EXT1: variants seen among roughly 807,000 people sequenced by gnomAD.
EXT1 encodes the protein exostosin glycosyltransferase 1, also known as exostosin-1.
A neutral mutation model predicts 82.5 loss-of-function variants in EXT1; 20 were observed. The observed-to-expected ratio is 0.24, with a 90% CI of 0.17 to 0.35. The LOEUF is 0.35. EXT1 is among the 10% of genes least tolerant of loss of function. The pLI, the probability that EXT1 is intolerant of heterozygous loss-of-function variation, is 1.00. For synonymous variants in EXT1, 348 were observed against 350.8 expected, an observed-to-expected ratio of 0.99 and a Z score of 0.09; for missense variants, 757 against 936.5, an observed-to-expected ratio of 0.81 and a Z score of 2.50.
chr8:118,035,583 T>C (rs1311290880), intron 1 of EXT1, among the ~76,000 whole-genome samples: 1 of 151,940 alleles, frequency 6.6e-6, no homozygotes, highest in Non-Finnish European at 1.5e-5. Context: ...ATGTAAGTTC[T>C]ATAACTCAAT....
chr8:118,083,391 AAT>A (rs1384991245), intron 1 of EXT1, among the ~76,000 whole-genome samples: 1 of 152,194 alleles, frequency 6.6e-6, no homozygotes, highest in African/African-American at 2.4e-5. Context: ...ATCTGTTATG[AAT>A]ATATCTTCTT....
At chr8:117,805,640 A>G (rs1000454748) in intron 9 of EXT1, among the ~76,000 whole-genome samples, 1 of 152,236 alleles carries the variant, frequency 6.6e-6, no homozygotes, top group Non-Finnish European at 1.5e-5. Context: ...CTTGAGACCA[A>G]GAATCAGTCA....
chr8:118,044,595 C>A (rs774220517), intron 1 of EXT1, among the ~76,000 whole-genome samples: 1 of 152,014 alleles, frequency 6.6e-6, no homozygotes, highest in South Asian at 2.1e-4. Flanking sequence ...TTAGTAGAGA[C>A]GAGGTTTCTC....
At position 117,892,301 on chromosome 8, in the gene EXT1, G is replaced by A. The variant is rs1301941895; in HGVS notation, c.963-55100C>T. ...GCAAAGGCTCCAATGCATTCACCTA[G>A]GACAATGCCCAAAGTCAATGATCTC... On this transcript the variant is annotated intron_variant, in intron 1 of 10. Coordinates refer to ENST00000378204, the MANE Select transcript of EXT1 (RefSeq NM_000127.3). 4.6e-5 allele frequency among the ~76,000 whole-genome samples: 7 copies of A among 152,332 alleles called. No individual in the cohort carries two copies. In the East Asian group the frequency reaches 1.2e-3, roughly 25 times the overall value.
chr8:117,854,762 C>T (rs898316955), intron 1 of EXT1, among the ~76,000 whole-genome samples: 1 of 152,192 alleles, frequency 6.6e-6, no homozygotes, highest in Admixed American at 6.5e-5. Context: ...CATTTCACAG[C>T]TGCACACCAA....
intron 1 of EXT1, among the ~76,000 whole-genome samples, chr8:118,096,118 A>C (rs1817606426): frequency 6.6e-6 from 1 of 152,198 alleles, no homozygotes. Context: ...TGTGAGCCAA[A>C]AGTTTTATTC....
chr8:117,943,124 CCTAA>C (rs1814320364), intron 1 of EXT1, among the ~76,000 whole-genome samples: 1 of 152,186 alleles, frequency 6.6e-6, no homozygotes, highest in Admixed American at 6.5e-5. Flanking sequence ...AGCCAGAAAA[CCTAA>C]CTACTTTCTT....
At chr8:118,037,987 T>C (rs961597547) in intron 1 of EXT1, among the ~76,000 whole-genome samples, 1 of 152,022 alleles carries the variant, frequency 6.6e-6, no homozygotes, top group African/African-American at 2.4e-5. Flanking sequence ...ATTACAGGCA[T>C]GCGCCACCAT....
At chr8:117,802,966 A>G (rs965219647) in intron 10 of EXT1, among the ~76,000 whole-genome samples, 2 of 152,202 alleles carry the variant, frequency 1.3e-5, no homozygotes, top group African/African-American at 4.8e-5. Flanking sequence ...AGTGAATGAA[A>G]AACTATCAGC....
intron 1 of EXT1, among the ~76,000 whole-genome samples, chr8:117,864,719 A>C (rs1380200689): frequency 6.7e-6 from 1 of 149,402 alleles, no homozygotes; most frequent in Non-Finnish European, 1.5e-5. Flanking sequence ...ACTGCACTCC[A>C]GCCTGGGCGA....
chr8:117,888,451 T>C (rs1317402270), intron 1 of EXT1, among the ~76,000 whole-genome samples: 1 of 152,108 alleles, frequency 6.6e-6, no homozygotes, highest in Non-Finnish European at 1.5e-5. Context: ...ATATAATAGT[T>C]CTCATTCTGC....
intron 1 of EXT1, among the ~76,000 whole-genome samples, chr8:118,084,522 A>G (rs1159035150): frequency 6.6e-6 from 1 of 152,194 alleles, no homozygotes; most frequent in South Asian, 2.1e-4. Flanking sequence ...ATGTTATATA[A>G]TTCAGTCGTT....
chr8:117,929,967 G>A (rs996927520), intron 1 of EXT1, among the ~76,000 whole-genome samples: 8 of 152,164 alleles, frequency 5.3e-5, no homozygotes, highest in African/African-American at 1.7e-4. Context: ...AATTAGCTGG[G>A]CATGGTGGCA....
At chr8:118,056,353 TGCA>T (rs1489954533) in intron 1 of EXT1, among the ~76,000 whole-genome samples, 2 of 152,214 alleles carry the variant, frequency 1.3e-5, no homozygotes, top group African/African-American at 4.8e-5. Context: ...GAGAACATGC[TGCA>T]GTCTTCTAAC....
intron 1 of EXT1, among the ~76,000 whole-genome samples, chr8:118,085,616 A>G (rs1817403581): frequency 6.6e-6 from 1 of 151,642 alleles, no homozygotes; most frequent in South Asian, 2.1e-4. Context: ...ATAAACATTC[A>G]CTTTACTGCA....
intron 1 of EXT1, among the ~76,000 whole-genome samples, chr8:118,073,702 G>GCGAAGCGAAGCGA (rs1817149429): frequency 8.7e-6 from 1 of 115,412 alleles, no homozygotes; most frequent in African/African-American, 2.8e-5. Context: ...GAGAAGAGAA[G>GCGAAGCGAAGCGA]AGAAGCCTCT....
intron 4 of EXT1, among the ~76,000 whole-genome samples, chr8:117,824,728 T>C (rs1435145145): frequency 6.6e-6 from 1 of 152,244 alleles, no homozygotes; most frequent in Non-Finnish European, 1.5e-5. Flanking sequence ...TTTTTACATA[T>C]TAATAGTATT....
At chr8:118,080,997 A>T (rs1243674882) in intron 1 of EXT1, among the ~76,000 whole-genome samples, 2 of 152,198 alleles carry the variant, frequency 1.3e-5, no homozygotes, top group African/African-American at 4.8e-5. Context: ...AATTCAATGG[A>T]TAATAAAACT....
intron 1 of EXT1, among the ~76,000 whole-genome samples, chr8:117,886,219 T>C (rs1813145467): frequency 6.6e-6 from 1 of 152,230 alleles, no homozygotes; most frequent in Admixed American, 6.5e-5. Flanking sequence ...ATAAAGTTTT[T>C]GTTTGTTTGT....
Sources: gnomAD v4.1 joint callset for allele counts (sites outside exome capture counted in the v4.1 genomes callset) on GRCh38, gnomAD v4.1.1 for gene constraint, MANE v1.5 for transcripts, NCBI Gene and HGNC (gene_info 2026-07-23, HGNC 2026-07-21) for gene names.